Variants in CA1 observed in about 807,000 individuals in gnomAD.
CA1 encodes the protein carbonate dehydratase I.
In CA1, 27 loss-of-function variants were observed where a neutral mutation model predicts 28.8. That is an observed-to-expected ratio of 0.94 (90% CI 0.69 to 1.29). The LOEUF is 1.29. Among genes scored for constraint, CA1 ranks in the 50% most tolerant of loss-of-function variants. The pLI, the probability that CA1 is intolerant of heterozygous loss-of-function variation, is 0.00. For missense variants in CA1, 335 were observed against 310.5 expected (o/e 1.08, Z -0.59); for synonymous variants, 121 against 108.8 (o/e 1.11, Z -0.70).
In CA1 at chr8:85,331,559, C is replaced by T. The variant is rs902960802; in HGVS notation, c.513+931G>A. On this transcript the variant is annotated intron_variant, in intron 6 of 7. Transcript: ENST00000523022. ...GCAACCTCCACCTCCTGGGTTCAAG[C>T]GATTCTCCTGGCTCAATCTCCTGAT... Among the ~76,000 whole-genome samples, 25 of 152,054 alleles carry T rather than the reference C, an allele frequency of 1.6e-4. 1 individual carries two copies. Among genetic ancestry groups the T allele is most frequent in the Admixed American group, 3.3e-4 (5 of 15,256 alleles).
intron 1 of CA1, among the ~76,000 whole-genome samples, 154 bp downstream of exon 1, chr8:85,377,892 A>G (rs1272375095): frequency 6.6e-6 from 1 of 152,242 alleles, no homozygotes; most frequent in African/African-American, 2.4e-5. Flanking sequence ...TAGAAAAACT[A>G]TAAAGGTTTT....
intron 1 of CA1, chr8:85,351,888 G>A (rs1400960545): frequency 6.6e-6 from 1 of 152,156 alleles, no homozygotes; most frequent in African/African-American, 2.4e-5. Context: ...TTTTAGTACT[G>A]TTATTAAACC....
intron 1 of CA1, among the ~76,000 whole-genome samples, chr8:85,345,651 C>G (rs999199261): frequency 3.3e-5 from 5 of 152,084 alleles, no homozygotes; most frequent in Admixed American, 1.3e-4. Flanking sequence ...AGAATGTTAT[C>G]AGGGACTATG....
chr8:85,358,947 GA>G (rs1422951145), intron 1 of CA1, among the ~76,000 whole-genome samples: 1 of 152,100 alleles, frequency 6.6e-6, no homozygotes, highest in Admixed American at 6.6e-5. Flanking sequence ...CCATAACAGT[GA>G]GAAGAAAAAA....
At chr8:85,341,488 A>T in intron 2 of CA1, 111 bp downstream of exon 2, 1 of 752,870 alleles carries the variant, frequency 1.3e-6, no homozygotes, top group Non-Finnish European at 2.4e-6. Flanking sequence ...TAAAGCAGAC[A>T]GTTCAACAAT....
chr8:85,372,455 C>A (rs1184469543), intron 1 of CA1, among the ~76,000 whole-genome samples: 1 of 152,168 alleles, frequency 6.6e-6, no homozygotes, highest in Admixed American at 6.5e-5. Context: ...TATGGTCCAG[C>A]ATTCCACTTC....
chr8:85,329,760 T>C lies in CA1; in HGVS notation c.598A>G (p.Thr200Ala). 1 of 1,606,710 alleles carries C rather than the reference T, an allele frequency of 6.2e-7. No individual in the cohort carries two copies. The highest frequency in any genetic ancestry group is 8.5e-7 in the Non-Finnish European group (1 of 1,175,932). The change falls in exon 7 of 8, where the codon ACT becomes GCT. Residue 200 changes from threonine to alanine, a missense_variant. By Grantham distance (58) the Thr-to-Ala change is moderately conservative. Transcript: ENST00000523022. The stretch of plus-strand genomic sequence containing the variant: ...ACACTCTCATAAAGAGGAGGATGAG[T>C]CAGAGAGCCAGGGTAGGTCCAGAAA... ...LDFWTYPGSLTHPPLYESVTW... is the reference protein window; with the variant it reads ...LDFWTYPGSLAHPPLYESVTW...
intron 3 of CA1, chr8:85,337,995 A>C: frequency 1.6e-6 from 1 of 618,928 alleles, no homozygotes. Flanking sequence ...TGAAGTGAGC[A>C]TACAGATACT....
intron 1 of CA1, among the ~76,000 whole-genome samples, chr8:85,367,213 A>T (rs982653710): frequency 6.6e-6 from 1 of 152,118 alleles, no homozygotes; most frequent in Non-Finnish European, 1.5e-5. Flanking sequence ...GAAAAGAACG[A>T]TTTCTATAGT....
chr8:85,376,183 T>A (rs1283624763), intron 1 of CA1, among the ~76,000 whole-genome samples: 1 of 151,760 alleles, frequency 6.6e-6, no homozygotes, highest in African/African-American at 2.4e-5. Flanking sequence ...ATACAAAAAT[T>A]GGCCGGGTGT....
At chr8:85,352,666 A>ATTT (rs571013802) in intron 1 of CA1, among the ~76,000 whole-genome samples, 1 of 126,100 alleles carries the variant, frequency 7.9e-6, no homozygotes, top group African/African-American at 3.0e-5. Flanking sequence ...CCTCAGCTCC[A>ATTT]TTTTTTTTTT....
chr8:85,370,602 T>C (rs1246275195), intron 1 of CA1, among the ~76,000 whole-genome samples: 1 of 151,974 alleles, frequency 6.6e-6, no homozygotes, highest in Admixed American at 6.6e-5. Flanking sequence ...TCAGTAGAGA[T>C]GCTTTTTATT....
At chr8:85,351,033 CG>C (rs888085374) in intron 1 of CA1, among the ~76,000 whole-genome samples, 5 of 152,188 alleles carry the variant, frequency 3.3e-5, no homozygotes, top group South Asian at 2.1e-4. Context: ...GATTTTACTG[CG>C]TGGTTGCTTG....
chr8:85,328,642 T>G lies in CA1; in HGVS notation c.704A>C (p.Glu235Ala). The G allele has an allele frequency of 6.2e-7, 1 of 1,610,574 alleles. No homozygotes were observed. The highest frequency in any genetic ancestry group is 8.5e-7 in the Non-Finnish European group (1 of 1,177,626). The change falls in exon 8 of 8, where the codon GAA becomes GCA. Residue 235 changes from glutamate to alanine, a missense_variant. By Grantham distance (107) the Glu-to-Ala change is moderately radical (BLOSUM62 -1). Coordinates refer to ENST00000523022, the MANE Select transcript of CA1 (RefSeq NM_001128831.4). ...AQFRSLLSNV[E>A]GDNAVPMQHN... ...CTGCATGGGGACAGCGTTATCACCT[T>G]CAACATTTGATAGAAGGCTGCGGAA... is the stretch of plus-strand genomic sequence containing the variant.
intron 1 of CA1, among the ~76,000 whole-genome samples, chr8:85,372,469 G>A (rs113931613): frequency 1.2e-3 from 184 of 152,244 alleles, no homozygotes; most frequent in African/African-American, 3.7e-3. Context: ...CCACTTCTGA[G>A]TATATATCTG....
chr8:85,329,620 CACTGAT>C (rs1195392604), intron 7 of CA1, 63 bp downstream of exon 7: 34 of 1,273,916 alleles, frequency 2.7e-5, no homozygotes, highest in Non-Finnish European at 3.0e-5. Context: ...TAATCTCTCT[CACTGAT>C]ACTATCAATT....
At chr8:85,350,127 C>A (rs967699050) in intron 1 of CA1, among the ~76,000 whole-genome samples, 1 of 152,130 alleles carries the variant, frequency 6.6e-6, no homozygotes, top group Non-Finnish European at 1.5e-5. Flanking sequence ...TTGCTCCAGG[C>A]AAATGAGAGT....
chr8:85,372,743 A>G (rs1174197828), intron 1 of CA1, among the ~76,000 whole-genome samples: 3 of 152,162 alleles, frequency 2.0e-5, no homozygotes, highest in Admixed American at 2.0e-4. Flanking sequence ...ATTGCATGCC[A>G]TTCTGAGTAG....
At chr8:85,354,815 T>C (rs1231164577) in intron 1 of CA1, among the ~76,000 whole-genome samples, 1 of 152,224 alleles carries the variant, frequency 6.6e-6, no homozygotes, top group Admixed American at 6.5e-5. Flanking sequence ...AGTTACATCC[T>C]GGAATAGACA....
Sources: allele counts gnomAD v4.1 joint callset (sites outside exome capture counted in the v4.1 genomes callset), GRCh38; gene constraint gnomAD v4.1.1; transcripts MANE v1.5; gene names NCBI Gene and HGNC (gene_info 2026-07-23, HGNC 2026-07-21).